Variants in ABCC4 observed in about 807,000 individuals in gnomAD.
The protein encoded by ABCC4 is ATP binding cassette subfamily C member 4 (PEL blood group).
In ABCC4, 102 loss-of-function variants were observed where a neutral mutation model predicts 168.5. That is an observed-to-expected ratio of 0.61 (90% CI 0.52 to 0.71). The LOEUF (loss-of-function observed/expected upper bound fraction) is 0.71, where lower values mean the gene tolerates loss of function less well. Ranked by LOEUF, ABCC4 falls within the 30% of genes least tolerant of loss-of-function variation. ABCC4 has a pLI of 0.00. For missense variants in ABCC4, 1,402 were observed against 1,605.8 expected, an observed-to-expected ratio of 0.87 and a Z score of 2.17; for synonymous variants, 617 against 590.7, an observed-to-expected ratio of 1.04 and a Z score of -0.65.
At chr13:95,300,856 A>G (rs2041656812) in intron 1 of ABCC4, among the ~76,000 whole-genome samples, 1 of 152,194 alleles carries the variant, frequency 6.6e-6, no homozygotes, top group African/African-American at 2.4e-5. Flanking sequence ...GAGCCAGCGA[A>G]GGGTGGGCGT....
At chr13:95,045,840 C>T (rs982601984) in intron 27 of ABCC4, among the ~76,000 whole-genome samples, 3 of 152,100 alleles carry the variant, frequency 2.0e-5, no homozygotes, top group Admixed American at 6.5e-5. Context: ...CAAGAGTAAA[C>T]GGGTAACATT....
intron 19 of ABCC4, among the ~76,000 whole-genome samples, chr13:95,135,867 T>C (rs1417860612): frequency 6.6e-6 from 1 of 152,234 alleles, no homozygotes; most frequent in Non-Finnish European, 1.5e-5. Flanking sequence ...GTAGGAGATA[T>C]GTTTGTAAAT....
intron 22 of ABCC4, 138 bp downstream of exon 22, chr13:95,075,294 A>C: frequency 9.0e-7 from 1 of 1,106,044 alleles, no homozygotes; most frequent in Non-Finnish European, 1.3e-6. Context: ...ATGGGGAAGG[A>C]GACGAAGATG....
At chr13:95,075,736 C>T in intron 21 of ABCC4, 185 bp from the exon 22 acceptor site, 3 of 638,470 alleles carry the variant, frequency 4.7e-6, no homozygotes, top group Non-Finnish European at 7.8e-6. Context: ...ATCTCAAGCT[C>T]CTGCTCAAAC....
At chr13:95,145,885 G>T (rs2036477000) in intron 19 of ABCC4, among the ~76,000 whole-genome samples, 1 of 152,124 alleles carries the variant, frequency 6.6e-6, no homozygotes, top group Non-Finnish European at 1.5e-5. Context: ...CTTACAAACA[G>T]GAGCTAAACA....
intron 20 of ABCC4, among the ~76,000 whole-genome samples, chr13:95,100,971 C>A (rs2139373110): frequency 6.6e-6 from 1 of 152,282 alleles, no homozygotes; most frequent in African/African-American, 2.4e-5. Context: ...ATGTAAGGGT[C>A]AGTGGTACTG....
chr13:95,034,187 CA>C (rs2032018695), intron 30 of ABCC4, among the ~76,000 whole-genome samples: 3 of 152,056 alleles, frequency 2.0e-5, no homozygotes, highest in Admixed American at 6.5e-5. Context: ...ACTTTTTGCC[CA>C]AACTCTTAAA....
chr13:95,250,834 T>C (rs924974369), intron 1 of ABCC4, among the ~76,000 whole-genome samples: 1 of 137,676 alleles, frequency 7.3e-6, no homozygotes, highest in African/African-American at 2.7e-5. Flanking sequence ...AGTGGAGCGA[T>C]CAGAGCTCAC....
chr13:95,239,088 A>G (rs1386683619), intron 3 of ABCC4, among the ~76,000 whole-genome samples: 1 of 100,934 alleles, frequency 9.9e-6, no homozygotes, highest in African/African-American at 3.8e-5. Flanking sequence ...TAACTAGTTT[A>G]TTTGACTGTA....
intron 1 of ABCC4, among the ~76,000 whole-genome samples, chr13:95,249,292 A>G (rs543258449): frequency 6.6e-6 from 1 of 151,550 alleles, no homozygotes; most frequent in Admixed American, 6.6e-5. Context: ...AGATGCAATT[A>G]CTCAATTACA....
chr13:95,099,280 C>T (rs772320691), intron 20 of ABCC4, among the ~76,000 whole-genome samples: 3 of 152,070 alleles, frequency 2.0e-5, no homozygotes, highest in Non-Finnish European at 2.9e-5. Context: ...TCCATTTATA[C>T]GTAGTTCAAG....
At position 95,178,727 on chromosome 13, in the gene ABCC4, A is replaced by ACT. The variant is rs557635753; in HGVS notation, c.1546-637_1546-636insAG. 2.8e-3 allele frequency among the ~76,000 whole-genome samples: 423 copies of ACT among 152,302 alleles called. 2 individuals are homozygous for ACT. Among genetic ancestry groups the ACT allele is most frequent in the African/African-American group, 9.5e-3 (394 of 41,570 alleles). ...AGGATGATGGCAGGGGAGGGCAGAG[A>ACT]CAGAGGCAAGAGAAGCCAAGGGCTC... On this transcript the variant is annotated intron_variant, in intron 11 of 30. Coordinates refer to ENST00000645237, the MANE Select transcript of ABCC4 (RefSeq NM_005845.5).
At position 95,210,912 on chromosome 13, in the gene ABCC4, C is replaced by G. The variant is rs183088974; in HGVS notation, c.532-131G>C. 1.7e-4 allele frequency: 105 copies of G among 602,844 alleles called. No homozygotes were observed. The African/African-American group carries it at 1.8e-3, about 10-fold the overall frequency. The allele number at this position is 602,844 out of a possible 1,614,324, so 37.3% of individuals were successfully genotyped here. On this transcript the variant is annotated intron_variant, in intron 4 of 30. Coordinates refer to ENST00000645237, the MANE Select transcript of ABCC4 (RefSeq NM_005845.5). ...CTAAGCACAAGCATCCCCACCCCCC[C>G]ACTGCCCCCTCTCTCTGCCCCACCA...
At chr13:95,105,626 C>G (rs1379205003) in intron 20 of ABCC4, among the ~76,000 whole-genome samples, 1 of 152,124 alleles carries the variant, frequency 6.6e-6, no homozygotes, top group Admixed American at 6.6e-5. Context: ...ACAACAAAGC[C>G]AAACCTGAAA....
At chr13:95,182,584 A>G (rs1257880179) in intron 11 of ABCC4, among the ~76,000 whole-genome samples, 1 of 152,232 alleles carries the variant, frequency 6.6e-6, no homozygotes, top group Non-Finnish European at 1.5e-5. Flanking sequence ...GGTGGCTCTT[A>G]TAATTAAGAA....
chr13:95,086,457 G>A (rs768908502), intron 20 of ABCC4, among the ~76,000 whole-genome samples: 5 of 151,940 alleles, frequency 3.3e-5, no homozygotes, highest in South Asian at 2.1e-4. Context: ...AATTTCCCCC[G>A]GCAGACTCTT....
chr13:95,191,635 C>T (rs762446623), intron 9 of ABCC4, among the ~76,000 whole-genome samples: 1 of 152,176 alleles, frequency 6.6e-6, no homozygotes, highest in East Asian at 1.9e-4. Flanking sequence ...TAAAATGTAA[C>T]GGGTCTACTC....
chr13:95,071,574 C>T (rs534822235), intron 25 of ABCC4, 88 bp downstream of exon 25: 8 of 1,158,994 alleles, frequency 6.9e-6, no homozygotes, highest in South Asian at 2.4e-5. Flanking sequence ...TATCACTGAT[C>T]CCCTTCACAC....
At chr13:95,231,987 T>C (rs1162197741) in intron 4 of ABCC4, among the ~76,000 whole-genome samples, 1 of 152,166 alleles carries the variant, frequency 6.6e-6, no homozygotes, top group South Asian at 2.1e-4. Context: ...TGAAAATTTT[T>C]ATGAATTTAT....
Sources: allele counts gnomAD v4.1 joint callset (sites outside exome capture counted in the v4.1 genomes callset), GRCh38; gene constraint gnomAD v4.1.1; transcripts MANE v1.5; gene names NCBI Gene and HGNC (gene_info 2026-07-23, HGNC 2026-07-21).